The following TAAR5 variants were observed in gnomAD, a reference collection of about 807,000 sequenced individuals.
The protein encoded by TAAR5 is trace amine associated receptor 5, also known as trace amine-associated receptor 5.
A neutral mutation model predicts 21.1 loss-of-function variants in TAAR5; 27 were observed. The ratio of observed to expected loss-of-function variants is 1.28; its 90% CI spans 0.94 to 1.76. The LOEUF (loss-of-function observed/expected upper bound fraction) is 1.76, where lower values mean the gene tolerates loss of function less well. Among genes scored for constraint, TAAR5 ranks in the 40% most tolerant of loss-of-function variants. The pLI is 0.00. For synonymous variants in TAAR5, 203 were observed against 167.5 expected (o/e 1.21, Z -1.64); for missense variants, 495 against 405.6 (o/e 1.22, Z -1.89).
the TAAR5 span, among the ~76,000 whole-genome samples, chr6:132,607,227 A>G: frequency 6.6e-6 from 1 of 151,922 alleles, no homozygotes; most frequent in Admixed American, 6.6e-5. Context: ...TTAAAATTAA[A>G]AGAAAAGGAA....
At chr6:132,603,617 A>G in the TAAR5 span, among the ~76,000 whole-genome samples, 1 of 152,138 alleles carries the variant, frequency 6.6e-6, no homozygotes, top group Non-Finnish European at 1.5e-5. Flanking sequence ...ATGTTAAAAG[A>G]CTTAAAATAA....
At chr6:132,592,178 G>T (rs1384933388), upstream of TAAR5, among the ~76,000 whole-genome samples, 2 of 152,170 alleles carry the variant, frequency 1.3e-5, no homozygotes. Flanking sequence ...TTGAATAAAA[G>T]AACATTTTTA....
At chr6:132,611,103 C>A in the TAAR5 span, among the ~76,000 whole-genome samples, 4 of 151,900 alleles carry the variant, frequency 2.6e-5, no homozygotes, top group South Asian at 6.2e-4. Flanking sequence ...AGAATGAAAT[C>A]TTGTCATCTG....
At chr6:132,593,709 C>A (rs899523404), upstream of TAAR5, among the ~76,000 whole-genome samples, 2 of 152,202 alleles carry the variant, frequency 1.3e-5, no homozygotes, top group African/African-American at 4.8e-5. Context: ...TACACACAGG[C>A]TGCATACATA....
At chr6:132,608,837 T>C in the TAAR5 span, 1 of 455,962 alleles carries the variant, frequency 2.2e-6, no homozygotes, top group Non-Finnish European at 4.4e-6. Context: ...AGTTGCTTTA[T>C]GGTGGAGTTC....
Position 132,588,605 on chromosome 6 carries a change from C to G in TAAR5, c.*68G>C. 3 of 1,533,074 alleles carry G rather than the reference C, an allele frequency of 2.0e-6. No homozygotes were observed. Among genetic ancestry groups the G allele is most frequent in the Non-Finnish European group, 2.7e-6 (3 of 1,129,628 alleles). 95.0% of individuals were successfully genotyped at this position (1,533,074 alleles called of 1,614,324 possible). A position where few individuals can be genotyped will look rare whatever the true frequency, so the allele number is the denominator to read the frequency against. On this transcript the variant is annotated 3_prime_UTR_variant, in exon 1 of 1. Coordinates refer to ENST00000258034, the MANE Select transcript of TAAR5 (RefSeq NM_003967.3). ...TGCCCACAAACTCAACACCACACAG[C>G]CCACGGTCACAGTGCCACTTATCTT...
At chr6:132,613,806 G>T in the TAAR5 span, among the ~76,000 whole-genome samples, 19 of 152,242 alleles carry the variant, frequency 1.2e-4, no homozygotes, top group South Asian at 2.9e-3. Context: ...CTACAATCTG[G>T]TTCTGAGCAT....
At chr6:132,599,855 T>C in the TAAR5 span, among the ~76,000 whole-genome samples, 21 of 152,314 alleles carry the variant, frequency 1.4e-4, no homozygotes, top group South Asian at 4.1e-3. Context: ...TAAATTTTGA[T>C]TGCTTCAGTC....
chr6:132,614,043 T>G, the TAAR5 span, among the ~76,000 whole-genome samples: 20 of 152,244 alleles, frequency 1.3e-4, no homozygotes, highest in Non-Finnish European at 2.1e-4. Flanking sequence ...CAAAGGAAGA[T>G]ATGAGCTATT....
At chr6:132,615,385 T>C in the TAAR5 span, among the ~76,000 whole-genome samples, 2 of 152,168 alleles carry the variant, frequency 1.3e-5, no homozygotes, top group Non-Finnish European at 2.9e-5. Flanking sequence ...TATTGGGATG[T>C]GAGAGAATTT....
chr6:132,589,159 C>G lies in TAAR5; in HGVS notation c.528G>C (p.Glu176Asp). ...CTTCCAGCCACTGGCTGAGCCTTGT[C>G]TCTACCACATCTGTGTAGAGGAATA... is the stretch of plus-strand genomic sequence containing the variant. ...TSLFLYTDVV[E>D]TRLSQWLEEM... Residue 176 changes from glutamate (E) to aspartate (D), a missense_variant, in exon 1 of 1, where the codon GAG (glutamate) becomes GAC (aspartate). By Grantham distance (45) the Glu-to-Asp change is conservative. Transcript: ENST00000258034. 3 of 1,610,030 alleles carry G rather than the reference C, an allele frequency of 1.9e-6. No homozygotes were observed. Among genetic ancestry groups the G allele is most frequent in the Non-Finnish European group, 2.5e-6 (3 of 1,178,020 alleles).
At chr6:132,600,336 G>C in the TAAR5 span, among the ~76,000 whole-genome samples, 113 of 152,266 alleles carry the variant, frequency 7.4e-4, 1 homozygote, top group African/African-American at 2.6e-3. Context: ...AATGGCTTTA[G>C]GTATTTGGCC....
chr6:132,596,323 AGTATGACAT>A, the TAAR5 span, among the ~76,000 whole-genome samples: 1 of 152,292 alleles, frequency 6.6e-6, no homozygotes, highest in African/African-American at 2.4e-5. Context: ...ACTTATCCAG[AGTATGACAT>A]GTTTTGATTT....
At chr6:132,599,984 CAAAA>C in the TAAR5 span, among the ~76,000 whole-genome samples, 1 of 151,988 alleles carries the variant, frequency 6.6e-6, no homozygotes, top group Non-Finnish European at 1.5e-5. Flanking sequence ...TGTAAACAAA[CAAAA>C]AATAAACCAA....
upstream of TAAR5, chr6:132,589,778 A>C: frequency 2.3e-5 from 20 of 884,158 alleles, no homozygotes; most frequent in East Asian, 8.7e-5. Flanking sequence ...AAAAAAAAAT[A>C]TGTCTGCTAA....
chr6:132,598,228 T>G, the TAAR5 span, among the ~76,000 whole-genome samples: 17 of 152,196 alleles, frequency 1.1e-4, no homozygotes, highest in Non-Finnish European at 2.1e-4. Context: ...AAATTATTGG[T>G]AAATTAGATT....
the TAAR5 span, among the ~76,000 whole-genome samples, chr6:132,605,598 G>C: frequency 2.5e-4 from 38 of 152,012 alleles, no homozygotes; most frequent in African/African-American, 8.2e-4. Flanking sequence ...AGTAATGCAT[G>C]GGCACACACA....
the TAAR5 span, among the ~76,000 whole-genome samples, chr6:132,607,287 CTCCTACAACATAA>C: frequency 6.6e-6 from 1 of 152,078 alleles, no homozygotes; most frequent in Admixed American, 6.6e-5. Context: ...CTTCTTCTCC[CTCCTACAACATAA>C]TCCCAGGTAT....
the TAAR5 span, among the ~76,000 whole-genome samples, chr6:132,602,008 G>A: frequency 6.6e-6 from 1 of 152,106 alleles, no homozygotes; most frequent in Non-Finnish European, 1.5e-5. Context: ...AATATTTTTT[G>A]AATGAATGTG....
Sources: gnomAD v4.1 joint callset for allele counts (sites outside exome capture counted in the v4.1 genomes callset) on GRCh38, gnomAD v4.1.1 for gene constraint, MANE v1.5 for transcripts, NCBI Gene and HGNC (gene_info 2026-07-23, HGNC 2026-07-21) for gene names.